CAND2: variants seen among roughly 807,000 people sequenced by gnomAD.
The protein encoded by CAND2 is cullin-associated NEDD8-dissociated protein 2.
A neutral mutation model predicts 98.9 loss-of-function variants in CAND2; 62 were observed. The ratio of observed to expected loss-of-function variants is 0.63; its 90% confidence interval spans 0.51 to 0.77. CAND2 has a LOEUF of 0.77. Among genes scored for constraint, CAND2 ranks in the 30% least tolerant of loss-of-function variants. The pLI is 0.00. For synonymous variants in CAND2, 770 were observed against 731.9 expected (o/e 1.05, Z -0.84); for missense variants, 1,501 against 1,655.2 (o/e 0.91, Z 1.62).
Position 12,834,144 on chromosome 3 carries a change from C to T in CAND2, c.*162C>T, listed in dbSNP as rs541076732. 2 of 629,250 alleles carry T rather than the reference C, an allele frequency of 3.2e-6. No individual in the cohort carries two copies. Among genetic ancestry groups the T allele is most frequent in the Non-Finnish European group, 5.5e-6 (2 of 362,616 alleles). The allele number at this position is 629,250 out of a possible 1,614,324, so 39.0% of individuals were successfully genotyped here. A position where few individuals can be genotyped will look rare whatever the true frequency, so the allele number is the denominator to read the frequency against. On this transcript the variant is annotated 3_prime_UTR_variant, in exon 15 of 15. Transcript: ENST00000456430. Reference sequence around the variant, plus strand: ...GGCTTACAGTGCCTTCTCCAGGGACCCAACTCAAAGGCCCCCAGCCCAAGC... The same window carrying T: ...GGCTTACAGTGCCTTCTCCAGGGACTCAACTCAAAGGCCCCCAGCCCAAGC...
chr3:12,802,988 CTTTTTTTTT>C (rs34041335), intron 1 of CAND2, among the ~76,000 whole-genome samples: 2 of 127,378 alleles, frequency 1.6e-5, no homozygotes, highest in Non-Finnish European at 3.2e-5. Flanking sequence ...CCATTAAAAT[CTTTTTTTTT>C]TTTTTTTTTG....
chr3:12,815,093 C>A lies in CAND2; in HGVS notation c.1007-48C>A, dbSNP rs1181981300. ...TGTCCCTTCTCCCCCGAGCCACAGA[C>A]CTGTCCTGGGAGATGAGGGTTCCAC... On this transcript the variant is annotated intron_variant, in intron 7 of 14. Transcript: ENST00000456430. This position sits in a 1 kb window ranked among gnomAD's most constrained non-coding sequence, Gnocchi z 5.7. 4 of 1,559,738 alleles carry A rather than the reference C, an allele frequency of 2.6e-6. No individual in the cohort carries two copies. The highest frequency in any genetic ancestry group is 3.5e-6 in the Non-Finnish European group (4 of 1,145,600).
Position 12,807,450 on chromosome 3 carries a change from T to C in CAND2, c.357T>C (p.Pro119=). ...AGACCGTCCTCTCGGAGCTCCCTCC[T>C]GCAGCCACAGGTACCCAGGTCCCCA... ...GLKTVLSELP[P]AATGSGLATN... is the part of the protein sequence containing the mutation. The change falls in exon 3 of 15, where the codon CCT becomes CCC. Residue 119 remains proline (P), a synonymous_variant. Transcript: ENST00000456430. The C allele has an allele frequency of 1.9e-6, 3 of 1,551,460 alleles. No individual in the cohort carries two copies. Among genetic ancestry groups the C allele is most frequent in the Non-Finnish European group, 2.6e-6 (3 of 1,146,900 alleles).
At chr3:12,812,858 T>C (rs1420424407) in intron 5 of CAND2, 132 bp from the exon 6 acceptor site, 3 of 632,854 alleles carry the variant, frequency 4.7e-6, no homozygotes, top group Non-Finnish European at 8.4e-6. Context: ...CCACATTTGC[T>C]TGACTATGAA....
chr3:12,806,869 G>C (rs1256139532), intron 2 of CAND2, among the ~76,000 whole-genome samples: 1 of 152,202 alleles, frequency 6.6e-6, no homozygotes, highest in Non-Finnish European at 1.5e-5. Context: ...TAAGGCAGAG[G>C]TTCTCCAAGT....
intron 14 of CAND2, among the ~76,000 whole-genome samples, chr3:12,833,247 G>C (rs539740622): frequency 4.3e-4 from 65 of 152,310 alleles, no homozygotes; most frequent in African/African-American, 1.5e-3. Context: ...AACAGAAACT[G>C]CAGGAGGTAG....
chr3:12,809,575 C>T (rs1277573613), intron 4 of CAND2, among the ~76,000 whole-genome samples: 9 of 152,026 alleles, frequency 5.9e-5, no homozygotes, highest in East Asian at 1.9e-4. Flanking sequence ...GTGCTGTGTG[C>T]GCAGAAACCA....
At chr3:12,828,488 C>T (rs1285838623) in intron 13 of CAND2, among the ~76,000 whole-genome samples, 1 of 151,960 alleles carries the variant, frequency 6.6e-6, no homozygotes, top group Admixed American at 6.6e-5. Context: ...CAGGTGCCCA[C>T]CACCACACTC....
Position 12,817,668 on chromosome 3 carries a change from C to T in CAND2, c.2736C>T (p.Tyr912=). The T allele has an allele frequency of 1.9e-6, 3 of 1,610,684 alleles. No homozygotes were observed. Among genetic ancestry groups the T allele is most frequent in the Non-Finnish European group, 2.5e-6 (3 of 1,178,558 alleles). The change falls in exon 10 of 15, where the codon TAC becomes TAT. Residue 912 remains tyrosine, a synonymous_variant. Transcript: ENST00000456430. Reference sequence around the variant, plus strand: ...TCGAGGCTGAGCCCCGACGACAGTACCTGCTGCTGCACTCACTCAGGGAGG... The same window carrying T: ...TCGAGGCTGAGCCCCGACGACAGTATCTGCTGCTGCACTCACTCAGGGAGG... ...EQIEAEPRRQ[Y]LLLHSLREAL...
chr3:12,834,095 G>A lies in CAND2; in HGVS notation c.*113G>A. 1 of 848,040 alleles carries A rather than the reference G, an allele frequency of 1.2e-6. No individual in the cohort carries two copies. The highest frequency in any genetic ancestry group is 1.6e-5 in the South Asian group (1 of 63,374). 52.5% of individuals were successfully genotyped at this position (848,040 alleles called of 1,614,324 possible). ...ACTTTTGCCCTTCCACCATCTCACT[G>A]GGGGCCCTGTCGCTCCTGGTCAGGG... On this transcript the variant is annotated 3_prime_UTR_variant, in exon 15 of 15. Transcript: ENST00000456430.
intron 1 of CAND2, among the ~76,000 whole-genome samples, chr3:12,799,366 A>C (rs896692382): frequency 6.6e-6 from 1 of 152,150 alleles, no homozygotes; most frequent in South Asian, 2.1e-4. Flanking sequence ...CAAGACTAGT[A>C]AGTATACTCA....
chr3:12,816,052 C>T, intron 9 of CAND2, 44 bp downstream of exon 9: 4 of 1,584,264 alleles, frequency 2.5e-6, no homozygotes, highest in Non-Finnish European at 3.4e-6. Flanking sequence ...TGGGCCACTT[C>T]CAGAACCCAG....
rs770672972 is a variant in CAND2 at position 12,825,617 on chromosome 3, TC to T, written c.3190del (p.Arg1064GlyfsTer48). ...ILPLLYQETK[I>X]RRDLIREVEM... ...CCCCTCCTCTACCAGGAGACAAAGA[TC>T]CGGCGGGACCTCATCCGAGAGGTGT... On this transcript the variant is annotated frameshift_variant, in exon 12 of 15. Coordinates refer to ENST00000456430, the MANE Select transcript of CAND2 (RefSeq NM_001162499.2). LOFTEE classifies it high-confidence loss of function. The T allele has an allele frequency of 1.2e-6, 2 of 1,604,958 alleles. No individual in the cohort carries two copies. The highest frequency in any genetic ancestry group is 2.7e-5 in the African/African-American group (2 of 74,812).
chr3:12,819,407 T>C (rs1158112595), intron 10 of CAND2, among the ~76,000 whole-genome samples: 2 of 152,298 alleles, frequency 1.3e-5, no homozygotes, highest in African/African-American at 4.8e-5. Flanking sequence ...TGAGGAGAGA[T>C]TCAGACGCAG....
intron 5 of CAND2, among the ~76,000 whole-genome samples, chr3:12,811,927 C>G (rs2061854539): frequency 6.7e-6 from 1 of 148,460 alleles, no homozygotes; most frequent in Admixed American, 6.8e-5. Context: ...CTTTTTGAGA[C>G]TGAGTCTCGT....
intron 12 of CAND2, among the ~76,000 whole-genome samples, chr3:12,826,631 T>C (rs1191652117): frequency 1.3e-5 from 2 of 152,152 alleles, no homozygotes; most frequent in East Asian, 3.9e-4. Context: ...GGTTTTGCCA[T>C]GTTGCCCAGA....
chr3:12,823,188 G>C lies in CAND2; in HGVS notation c.3041-2282G>C, dbSNP rs116160594. 4.3e-3 allele frequency among the ~76,000 whole-genome samples: 657 copies of C among 152,206 alleles called. 8 individuals are homozygous for C. Among genetic ancestry groups the C allele is most frequent in the African/African-American group, 0.015 (634 of 41,518 alleles). On this transcript the variant is annotated intron_variant, in intron 11 of 14. Coordinates refer to ENST00000456430, the MANE Select transcript of CAND2 (RefSeq NM_001162499.2). ...CTCGTGTGTAGTTTTTTTGTGTTTC[G>C]CTAGAGGGCAGCTAGTCAAAATACT...
At chr3:12,821,146 A>C (rs1005466018) in intron 11 of CAND2, among the ~76,000 whole-genome samples, 1 of 152,010 alleles carries the variant, frequency 6.6e-6, no homozygotes, top group South Asian at 2.1e-4. Context: ...AGGCAGGAGA[A>C]TCACTTGATC....
At chr3:12,808,623 A>T (rs941777984) in intron 4 of CAND2, among the ~76,000 whole-genome samples, 2 of 152,294 alleles carry the variant, frequency 1.3e-5, no homozygotes, top group South Asian at 2.1e-4. Flanking sequence ...TGTTCTAGGG[A>T]GGAGTTCACA....
Sources: allele counts gnomAD v4.1 joint callset (sites outside exome capture counted in the v4.1 genomes callset), GRCh38; gene constraint gnomAD v4.1.1; non-coding constraint Gnocchi (gnomAD v3.1); transcripts MANE v1.5; gene names NCBI Gene and HGNC (gene_info 2026-07-23, HGNC 2026-07-21).